The following SMC6 variants were observed in gnomAD, a reference collection of about 807,000 sequenced individuals.
SMC6 encodes the protein structural maintenance of chromosomes protein 6.
A neutral mutation model predicts 142.2 loss-of-function variants in SMC6; 79 were observed. That is an observed-to-expected ratio of 0.56 (90% CI 0.46 to 0.67). The LOEUF (loss-of-function observed/expected upper bound fraction) is 0.67, where lower values mean the gene tolerates loss of function less well. Ranked by LOEUF, SMC6 falls within the 30% of genes least tolerant of loss-of-function variation. SMC6 has a pLI of 0.00. For synonymous variants in SMC6, 411 were observed against 412.4 expected (o/e 1.00, Z 0.04); for missense variants, 1,072 against 1,284.0 (o/e 0.83, Z 2.52).
At chr2:17,752,729 A>C (rs1671114370) in intron 2 of SMC6, among the ~76,000 whole-genome samples, 1 of 152,242 alleles carries the variant, frequency 6.6e-6, no homozygotes, top group Non-Finnish European at 1.5e-5. Context: ...CCACACACCC[A>C]TGGAACAAAC....
intron 4 of SMC6, 41 bp from the exon 5 acceptor site, chr2:17,738,367 A>G (rs1274711061): frequency 6.9e-7 from 1 of 1,452,642 alleles, no homozygotes; most frequent in East Asian, 2.3e-5. Context: ...TCATTAAAAG[A>G]AAAAGGAAAA....
In SMC6 at chr2:17,726,278, C is replaced by T. The variant is rs1036675996; in HGVS notation, c.624+111G>A. The T allele has an allele frequency of 4.3e-6, 3 of 697,608 alleles. No homozygotes were observed. In the African/African-American group the frequency reaches 5.5e-5, roughly 13 times the overall value. The allele number at this position is 697,608 out of a possible 1,614,324, so 43.2% of individuals were successfully genotyped here. A position where few individuals can be genotyped will look rare whatever the true frequency, so the allele number is the denominator to read the frequency against. On this transcript the variant is annotated intron_variant, in intron 8 of 27. Transcript: ENST00000448223. Reference sequence around the variant, plus strand: ...AAATTGAATTACTTTAAATAGATGGCTTTAAGGAAAAAAAAAACTCAGCCT... The same window carrying T: ...AAATTGAATTACTTTAAATAGATGGTTTTAAGGAAAAAAAAAACTCAGCCT...
chr2:17,684,231 A>G (rs751222424), intron 23 of SMC6, among the ~76,000 whole-genome samples: 3 of 152,198 alleles, frequency 2.0e-5, no homozygotes, highest in Non-Finnish European at 4.4e-5. Flanking sequence ...GGCTACTCAG[A>G]GTGCTATTAC....
Position 17,736,391 on chromosome 2 carries a change from C to G in SMC6, c.344+1830G>C, listed in dbSNP as rs191504390. ...ATTAAATAGTATTCAGAGGACAGGTCTCAGAGAGAAGCTTCTACCCTGGTC... is the reference window on the plus strand; with the variant it reads ...ATTAAATAGTATTCAGAGGACAGGTGTCAGAGAGAAGCTTCTACCCTGGTC... On this transcript the variant is annotated intron_variant, in intron 5 of 27. Transcript: ENST00000448223. 1.2e-4 allele frequency among the ~76,000 whole-genome samples: 18 copies of G among 152,162 alleles called. No homozygotes were observed. The South Asian group carries it at 1.7e-3, about 14-fold the overall frequency.
At chr2:17,745,746 T>G in intron 3 of SMC6, 81 bp downstream of exon 3, 6 of 1,399,382 alleles carry the variant, frequency 4.3e-6, no homozygotes, top group Non-Finnish European at 5.7e-6. Flanking sequence ...TTTCTTGATT[T>G]TAAGTTATCA....
intron 25 of SMC6, among the ~76,000 whole-genome samples, chr2:17,672,462 G>T (rs1267413318): frequency 6.6e-6 from 1 of 151,948 alleles, no homozygotes; most frequent in Non-Finnish European, 1.5e-5. Context: ...TTTTTATAAA[G>T]AACACAAAAG....
Position 17,741,670 on chromosome 2 carries a change from T to C in SMC6, c.180A>G (p.Ser60=). Residue 60 remains serine, a synonymous_variant, in exon 4 of 28, where the codon TCA becomes TCG. Transcript: ENST00000448223. The stretch of plus-strand genomic sequence containing the variant: ...AACCAAACTTAAAAGGTCCAAGCAT[T>C]GAATGACACATGAAGTTTTTTAGGT... ...SIHLKNFMCH[S]MLGPFKFGSN... 1.2e-6 allele frequency: 2 copies of C among 1,612,460 alleles called. No homozygotes were observed. The highest frequency in any genetic ancestry group is 8.5e-7 in the Non-Finnish European group (1 of 1,179,438).
intron 11 of SMC6, 67 bp from the exon 12 acceptor site, chr2:17,718,290 T>C: frequency 8.6e-7 from 1 of 1,158,062 alleles, no homozygotes; most frequent in African/African-American, 1.6e-5. Context: ...AAAATAATTA[T>C]CTATAGTTCA....
chr2:17,696,201 T>C, intron 22 of SMC6, 88 bp downstream of exon 22: 1 of 1,491,870 alleles, frequency 6.7e-7, no homozygotes, highest in Non-Finnish European at 8.9e-7. Context: ...ACTTTTCTGT[T>C]TTTAGAAACA....
chr2:17,685,437 C>T (rs1041590266), intron 23 of SMC6, among the ~76,000 whole-genome samples: 3 of 151,994 alleles, frequency 2.0e-5, no homozygotes, highest in African/African-American at 7.2e-5. Flanking sequence ...GTGAAACTAT[C>T]CTTCAAACAT....
chr2:17,695,766 CA>C (rs1667958031), intron 22 of SMC6, among the ~76,000 whole-genome samples: 2 of 152,074 alleles, frequency 1.3e-5, no homozygotes, highest in African/African-American at 4.8e-5. Context: ...ATGAGGAAAA[CA>C]AGTAAGAAAA....
intron 2 of SMC6, among the ~76,000 whole-genome samples, 192 bp downstream of exon 2, chr2:17,752,786 C>A (rs1484027455): frequency 2.6e-5 from 4 of 152,202 alleles, no homozygotes; most frequent in Non-Finnish European, 5.9e-5. Context: ...GATCACACTG[C>A]AACCATATAA....
chr2:17,716,440 C>T (rs1348286658), intron 14 of SMC6, among the ~76,000 whole-genome samples, 176 bp from the exon 15 acceptor site: 1 of 151,962 alleles, frequency 6.6e-6, no homozygotes, highest in East Asian at 1.9e-4. Flanking sequence ...GTCTGGAGTC[C>T]TCAAAACTTG....
intron 12 of SMC6, among the ~76,000 whole-genome samples, chr2:17,717,464 GAT>G (rs1669151618): frequency 6.6e-6 from 1 of 152,150 alleles, no homozygotes; most frequent in African/African-American, 2.4e-5. Context: ...GAGGTCAGGA[GAT>G]CTAGACCACC....
At chr2:17,731,177 CT>C (rs749492727) in intron 6 of SMC6, 38 bp from the exon 7 acceptor site, 1 of 1,437,224 alleles carries the variant, frequency 7.0e-7, no homozygotes, top group Non-Finnish European at 9.7e-7. Flanking sequence ...CAAACTGTTT[CT>C]AGGGCATAAC....
In SMC6 at chr2:17,696,364, T is replaced by C. The variant is rs759770893; in HGVS notation, c.2457A>G (p.Glu819=). 5.6e-6 allele frequency: 9 copies of C among 1,611,996 alleles called. No individual in the cohort carries two copies. In the East Asian group the frequency reaches 1.8e-4, roughly 32 times the overall value. Residue 819 remains glutamate, a synonymous_variant, in exon 22 of 28, where the codon GAA becomes GAG. Coordinates refer to ENST00000448223, the MANE Select transcript of SMC6 (RefSeq NM_001142286.2). ...TATCCAAGTGTTCTTTTTGTTTTTC[T>C]TCATAATGTCGTTTCCCTCGTTTTT... The part of the protein sequence containing the change: ...DNQKRGKRHY[E]EKQKEHLDTL...
intron 2 of SMC6, 193 bp from the exon 3 acceptor site, chr2:17,746,144 C>A: frequency 2.0e-6 from 1 of 511,704 alleles, no homozygotes; most frequent in Non-Finnish European, 3.2e-6. Flanking sequence ...CTGGAAAAGG[C>A]AAGGAAATAG....
chr2:17,685,386 CTCA>C (rs66466341), intron 23 of SMC6, among the ~76,000 whole-genome samples: 77,609 of 151,634 alleles, frequency 0.51, 22,498 homozygotes, highest in African/African-American at 0.78. Context: ...AAACAAGATG[CTCA>C]TCAGGAGAAA....
chr2:17,692,034 C>G (rs1476620767), intron 23 of SMC6, among the ~76,000 whole-genome samples: 2 of 152,124 alleles, frequency 1.3e-5, no homozygotes, highest in Admixed American at 1.3e-4. Context: ...AACCACAAAC[C>G]ACTGCTCAAT....
Sources: allele counts gnomAD v4.1 joint callset (sites outside exome capture counted in the v4.1 genomes callset), GRCh38; gene constraint gnomAD v4.1.1; transcripts MANE v1.5; gene names NCBI Gene and HGNC (gene_info 2026-07-23, HGNC 2026-07-21).